The following RPS3 variants were observed in gnomAD, a reference collection of about 807,000 sequenced individuals.
RPS3 encodes small ribosomal subunit protein uS3.
RPS3 carries 2 observed loss-of-function variants against 25.8 expected under a neutral mutation model. The observed-to-expected ratio is 0.08, with a 90% confidence interval of 0.03 to 0.24. RPS3 has a LOEUF of 0.24. Among genes scored for constraint, RPS3 ranks in the 10% least tolerant of loss-of-function variants. The probability of loss-of-function intolerance (pLI) is 1.00; values close to 1 mark genes in which losing one functional copy is unlikely to be tolerated. For synonymous variants in RPS3, 114 were observed against 114.2 expected, an observed-to-expected ratio of 1.00 and a Z score of 0.01; for missense variants, 107 against 307.1, an observed-to-expected ratio of 0.35 and a Z score of 4.87.
chr11:75,405,472 T>TC (rs1478040653), intron 6 of RPS3, 142 bp from the exon 7 acceptor site: 3 of 340,460 alleles, frequency 8.8e-6, no homozygotes, highest in Non-Finnish European at 1.7e-5. Context: ...TTTTTTTTTT[T>TC]ATATGAAAAA....
chr11:75,407,759 G>C (rs1017593621), downstream of RPS3, among the ~76,000 whole-genome samples: 1 of 152,200 alleles, frequency 6.6e-6, no homozygotes, highest in Non-Finnish European at 1.5e-5. Flanking sequence ...GAGCCACCGT[G>C]CCTGGCCAAA....
intron 6 of RPS3, among the ~76,000 whole-genome samples, chr11:75,415,193 A>G (rs1252863226): frequency 6.6e-6 from 1 of 152,232 alleles, no homozygotes; most frequent in Non-Finnish European, 1.5e-5. Flanking sequence ...GAAGCTGAGC[A>G]TTGCAGTCAG....
intron 6 of RPS3, among the ~76,000 whole-genome samples, chr11:75,413,511 T>C (rs555658226): frequency 6.6e-6 from 1 of 151,788 alleles, no homozygotes; most frequent in African/African-American, 2.4e-5. Context: ...CCTCCTTGGC[T>C]TCCCAAAGTG....
downstream of RPS3, among the ~76,000 whole-genome samples, chr11:75,408,257 C>T (rs1215602341): frequency 2.6e-5 from 4 of 152,184 alleles, no homozygotes; most frequent in Admixed American, 6.5e-5. Context: ...AATCCCAGCA[C>T]TTCGGGAGGC....
chr11:75,407,443 A>G (rs1462475430), downstream of RPS3, among the ~76,000 whole-genome samples: 2 of 150,816 alleles, frequency 1.3e-5, no homozygotes, highest in Non-Finnish European at 3.0e-5. Flanking sequence ...CAGCCAGTTG[A>G]ACTTACTTGA....
At chr11:75,421,788 T>C (rs1030194685) in exon 7 of RPS3, 1 of 152,206 alleles carries the variant, frequency 6.6e-6, no homozygotes, top group African/African-American at 2.4e-5. Flanking sequence ...GTCCTGATAA[T>C]CTCAAATTTA....
At chr11:75,411,927 A>G (rs1464106188) in intron 6 of RPS3, among the ~76,000 whole-genome samples, 1 of 152,192 alleles carries the variant, frequency 6.6e-6, no homozygotes, top group African/African-American at 2.4e-5. Flanking sequence ...ACAACCATTC[A>G]GCCTTATGTG....
At chr11:75,421,878 C>T (rs1948449844) in exon 7 of RPS3, 1 of 152,176 alleles carries the variant, frequency 6.6e-6, no homozygotes, top group African/African-American at 2.4e-5. Flanking sequence ...GTGTTTGTAA[C>T]CATCTCTTTC....
At chr11:75,413,267 G>A (rs868010566) in intron 6 of RPS3, among the ~76,000 whole-genome samples, 8 of 149,846 alleles carry the variant, frequency 5.3e-5, no homozygotes, top group South Asian at 2.1e-4. Flanking sequence ...TTTTGAGACA[G>A]TCTCACTCTG....
downstream of RPS3, among the ~76,000 whole-genome samples, chr11:75,408,090 C>G (rs900078121): frequency 6.6e-6 from 1 of 152,136 alleles, no homozygotes; most frequent in Non-Finnish European, 1.5e-5. Context: ...AGGCAATGTG[C>G]AGTAAGAGTA....
intron 6 of RPS3, among the ~76,000 whole-genome samples, chr11:75,416,968 T>C (rs147983870): frequency 5.2e-4 from 79 of 152,356 alleles, no homozygotes; most frequent in African/African-American, 1.8e-3. Context: ...ACACCCAGAC[T>C]GGTATGACTC....
chr11:75,416,969 GGTATGACTCTCT>G (rs1469967138), intron 6 of RPS3, among the ~76,000 whole-genome samples: 1 of 152,084 alleles, frequency 6.6e-6, no homozygotes, highest in Non-Finnish European at 1.5e-5. Context: ...CACCCAGACT[GGTATGACTCTCT>G]GTTATTAGCC....
Position 75,405,737 on chromosome 11 carries a change from C to A in RPS3, c.*127C>A. On this transcript the variant is annotated 3_prime_UTR_variant, in exon 7 of 7. Coordinates refer to ENST00000531188, the MANE Select transcript of RPS3 (RefSeq NM_001005.5). ...GTATTCAGACTGAGGGGCATGTTGGCCTCTGGAGCATTACATATCTTCTTG... is the reference window on the plus strand; with the variant it reads ...GTATTCAGACTGAGGGGCATGTTGGACTCTGGAGCATTACATATCTTCTTG... The A allele has an allele frequency of 2.3e-6, 1 of 440,218 alleles. No individual in the cohort carries two copies. Among genetic ancestry groups the A allele is most frequent in the South Asian group, 1.6e-5 (1 of 61,184 alleles). The allele number at this position is 440,218 out of a possible 1,614,324, so 27.3% of individuals were successfully genotyped here.
Position 75,402,313 on chromosome 11 carries a change from ATGG to A in RPS3, c.256-36_256-34del, listed in dbSNP as rs141837939. The A allele has an allele frequency of 3.3e-3, 5,254 of 1,602,914 alleles. 157 individuals carry two copies. The African/African-American group carries it at 0.061, about 19-fold the overall frequency. ...AATTTTCAACTTTCAGTTGAAAATA[ATGG>A]TGATGGTAACAGGATATCCCTTGCT... On this transcript the variant is annotated intron_variant, in intron 3 of 6. Transcript: ENST00000531188.
rs17884475 is a variant in RPS3, at chr11:75,399,700, G to A, written c.30+123G>A. 713 of 821,196 alleles carry A rather than the reference G, an allele frequency of 8.7e-4. 3 individuals are homozygous for A. The African/African-American group carries it at 0.01, about 12-fold the overall frequency. 50.9% of individuals were successfully genotyped at this position (821,196 alleles called of 1,614,324 possible). On this transcript the variant is annotated intron_variant, in intron 1 of 6. Coordinates refer to ENST00000531188, the MANE Select transcript of RPS3 (RefSeq NM_001005.5). ...CTGGAAGCGGCCTAGGCTTCCTGGC[G>A]TTCCTGCGGGCCGCGGATGGCGGTG...
At position 75,416,687 on chromosome 11, in the gene RPS3, A is replaced by G. The variant is rs185277328; in HGVS notation, c.*4-5040A>G. On this transcript the variant is annotated intron_variant, in intron 6 of 6. Coordinates refer to the RPS3 transcript ENST00000527446. ...TGGCCAGGCTGGTCTTGAACTCCCA[A>G]CGTGTGGTGATCCGCCCACCTCAGC... is the stretch of plus-strand genomic sequence containing the variant. Among the ~76,000 whole-genome samples the G allele has an allele frequency of 3.1e-3, 475 of 152,138 alleles. 3 individuals carry two copies. The highest frequency in any genetic ancestry group is 8.3e-3 in the African/African-American group (345 of 41,526).
intron 1 of RPS3, chr11:75,399,904 T>G: frequency 2.2e-6 from 1 of 461,862 alleles, no homozygotes; most frequent in Non-Finnish European, 3.8e-6. Flanking sequence ...TCATGTCTTA[T>G]CCCGTGGTTT....
At chr11:75,415,340 T>C (rs1238883586) in intron 6 of RPS3, among the ~76,000 whole-genome samples, 2 of 152,338 alleles carry the variant, frequency 1.3e-5, no homozygotes, top group East Asian at 3.9e-4. Context: ...GTTTCTTCTC[T>C]AGTGTTTATC....
intron 1 of RPS3, 87 bp downstream of exon 1, chr11:75,399,664 C>A (rs1438681830): frequency 8.3e-7 from 1 of 1,205,492 alleles, no homozygotes; most frequent in Non-Finnish European, 1.2e-6. Flanking sequence ...CCTGCAGCTC[C>A]GTGGCCTGCC....
Sources: gnomAD v4.1 joint callset for allele counts (sites outside exome capture counted in the v4.1 genomes callset) on GRCh38, gnomAD v4.1.1 for gene constraint, MANE v1.5 for transcripts, NCBI Gene and HGNC (gene_info 2026-07-23, HGNC 2026-07-21) for gene names.